Variants in HSPA14 observed in about 807,000 individuals in gnomAD.
The protein encoded by HSPA14 is heat shock protein family A (Hsp70) member 14, also known as heat shock 70 kDa protein 14.
HSPA14 carries 37 observed loss-of-function variants against 65.5 expected under a neutral mutation model. The ratio of observed to expected loss-of-function variants is 0.56; its 90% CI spans 0.43 to 0.74. HSPA14 has a LOEUF of 0.74. Among genes scored for constraint, HSPA14 ranks in the 30% least tolerant of loss-of-function variants. The pLI is 0.00. For missense variants in HSPA14, 564 were observed against 607.6 expected, an observed-to-expected ratio of 0.93 and a Z score of 0.75; for synonymous variants, 203 against 214.2, an observed-to-expected ratio of 0.95 and a Z score of 0.46.
intron 3 of HSPA14, chr10:14,845,236 C>T (rs1479688219): frequency 5.6e-5 from 55 of 984,916 alleles, no homozygotes; most frequent in Non-Finnish European, 6.4e-5. Flanking sequence ...TAGTGATTTA[C>T]TTAGTACTTT....
chr10:14,852,759 TAA>T (rs1588812783), intron 8 of HSPA14, among the ~76,000 whole-genome samples: 2 of 152,164 alleles, frequency 1.3e-5, no homozygotes, highest in East Asian at 3.8e-4. Context: ...TCACTTAGTG[TAA>T]AGAGACCGTC....
chr10:14,869,266 AAG>A (rs1832834062), intron 12 of HSPA14, among the ~76,000 whole-genome samples: 1 of 138,338 alleles, frequency 7.2e-6, no homozygotes, highest in African/African-American at 2.8e-5. Flanking sequence ...TGTGTGTGTA[AAG>A]AGATACATAT....
chr10:14,856,270 T>C (rs1832692074), intron 10 of HSPA14, among the ~76,000 whole-genome samples: 2 of 152,238 alleles, frequency 1.3e-5, no homozygotes, highest in South Asian at 4.1e-4. Flanking sequence ...ATACTCACAA[T>C]AACTCTGAGG....
intron 3 of HSPA14, chr10:14,846,367 G>A (rs982615972): frequency 2.0e-6 from 2 of 985,214 alleles, no homozygotes; most frequent in African/African-American, 3.5e-5. Flanking sequence ...CTGAAGAAGA[G>A]CATTGGAATT....
Position 14,842,328 on chromosome 10 carries a change from A to G in HSPA14, c.221+2171A>G. On this transcript the variant is annotated intron_variant, in intron 3 of 13. Transcript: ENST00000378372. The surrounding 1 kb of genome is among the most constrained non-coding windows in gnomAD (Gnocchi z 5.2). ...AGTGCGGGCATCCGGTGGTCCAGACAGGAGACACGAACTCTTCTCTCCATA... is the reference window on the plus strand; with the variant it reads ...AGTGCGGGCATCCGGTGGTCCAGACGGGAGACACGAACTCTTCTCTCCATA... The G allele has an allele frequency of 6.5e-7, 1 of 1,536,160 alleles. No individual in the cohort carries two copies. Among genetic ancestry groups the G allele is most frequent in the South Asian group, 1.2e-5 (1 of 84,064 alleles).
chr10:14,843,696 G>C (rs1232988900), intron 3 of HSPA14: 1 of 1,541,510 alleles, frequency 6.5e-7, no homozygotes, highest in East Asian at 2.4e-5. Flanking sequence ...AACTCTCAAA[G>C]CGGGAGGAAG....
rs190498380 is a variant in HSPA14, at chr10:14,848,772, T to C, written c.271-18T>C. ...ATTAAAAATTATTTATTTAGCATAA[T>C]TGTAATTTATTTTATAGGTCATTGA... On this transcript the variant is annotated intron_variant, in intron 4 of 13. Coordinates refer to ENST00000378372, the MANE Select transcript of HSPA14 (RefSeq NM_016299.4). The C allele has an allele frequency of 4.0e-5, 59 of 1,459,882 alleles. No individual in the cohort carries two copies. In the East Asian group the frequency reaches 1.3e-3, roughly 33 times the overall value. 90.4% of individuals were successfully genotyped at this position (1,459,882 alleles called of 1,614,324 possible). A position where few individuals can be genotyped will look rare whatever the true frequency, so the allele number is the denominator to read the frequency against.
At chr10:14,867,639 T>A in intron 11 of HSPA14, 97 bp from the exon 12 acceptor site, 1 of 1,058,530 alleles carries the variant, frequency 9.4e-7, no homozygotes. Context: ...GTGTCCTGTT[T>A]ATCAATAAGG....
chr10:14,842,311 C>T lies in HSPA14; in HGVS notation c.221+2154C>T. On this transcript the variant is annotated intron_variant, in intron 3 of 13. Transcript: ENST00000378372. This position sits in a 1 kb window ranked among gnomAD's most constrained non-coding sequence, Gnocchi z 5.2. ...TGGCCAGTGCCAATAGCAGTGCGGG[C>T]ATCCGGTGGTCCAGACAGGAGACAC... is the stretch of plus-strand genomic sequence containing the variant. 1 of 1,535,950 alleles carries T rather than the reference C, an allele frequency of 6.5e-7. No homozygotes were observed. Among genetic ancestry groups the T allele is most frequent in the South Asian group, 1.2e-5 (1 of 84,046 alleles).
chr10:14,844,654 C>T (rs1588807927), intron 3 of HSPA14: 6 of 982,648 alleles, frequency 6.1e-6, no homozygotes, highest in East Asian at 1.1e-4. Flanking sequence ...GCCAGGGAGC[C>T]GCCATTGTGT....
Position 14,842,066 on chromosome 10 carries a change from CACTTA to C in HSPA14, c.221+1914_221+1918del. 1 of 1,192,562 alleles carries C rather than the reference CACTTA, an allele frequency of 8.4e-7. No homozygotes were observed. Among genetic ancestry groups the C allele is most frequent in the Non-Finnish European group, 1.2e-6 (1 of 840,642 alleles). 73.9% of individuals were successfully genotyped at this position (1,192,562 alleles called of 1,614,324 possible). ...TTTATGACCTACTCACAGGTAGCACCACTTAACTTGCTGCCAAAATTATCCTTACA... is the reference window on the plus strand; with the variant it reads ...TTTATGACCTACTCACAGGTAGCACCACTTGCTGCCAAAATTATCCTTACA... On this transcript the variant is annotated intron_variant, in intron 3 of 13. Coordinates refer to ENST00000378372, the MANE Select transcript of HSPA14 (RefSeq NM_016299.4). The surrounding 1 kb of genome is among the most constrained non-coding windows in gnomAD (Gnocchi z 5.2).
rs756024355 is a variant in HSPA14 at position 14,840,072 on chromosome 10, C to CG, written c.139-3_139-2insG. On this transcript the variant is annotated splice_region_variant and splice_polypyrimidine_tract_variant and intron_variant, in intron 2 of 13. Transcript: ENST00000378372. The stretch of plus-strand genomic sequence containing the variant: ...TATATATATATATTATTTTTTTTTT[C>CG]AGATTGTTGGATTGGCAGCAAAACA... The CG allele has an allele frequency of 7.8e-7, 1 of 1,281,844 alleles. No individual in the cohort carries two copies. Among genetic ancestry groups the CG allele is most frequent in the South Asian group, 1.9e-5 (1 of 51,382 alleles). 79.4% of individuals were successfully genotyped at this position (1,281,844 alleles called of 1,614,324 possible).
intron 12 of HSPA14, 115 bp from the exon 13 acceptor site, chr10:14,870,482 T>G: frequency 1.6e-6 from 2 of 1,222,676 alleles, no homozygotes; most frequent in Non-Finnish European, 2.2e-6. Context: ...AACTGCCCTA[T>G]TTTAAAAAGG....
At chr10:14,839,796 T>G in intron 1 of HSPA14, 109 bp from the exon 2 acceptor site, 8 of 635,490 alleles carry the variant, frequency 1.3e-5, no homozygotes, top group Non-Finnish European at 2.2e-5. Flanking sequence ...TTTAAAATAT[T>G]GAGATAGCAG....
chr10:14,852,235 A>G (rs964227253), intron 7 of HSPA14, 135 bp from the exon 8 acceptor site: 1 of 698,132 alleles, frequency 1.4e-6, no homozygotes, highest in African/African-American at 1.8e-5. Context: ...AAGTGACTAT[A>G]GACAACTTAG....
At chr10:14,854,935 C>T (rs1412027611) in intron 9 of HSPA14, among the ~76,000 whole-genome samples, 1 of 152,170 alleles carries the variant, frequency 6.6e-6, no homozygotes, top group East Asian at 1.9e-4. Context: ...GGTAGAAAGT[C>T]CTGTTGGACA....
In HSPA14 at chr10:14,855,928, AGAT is replaced by A. The variant is rs747165176; in HGVS notation, c.982_984del (p.Asp328del). On this transcript the variant is annotated inframe_deletion, in exon 10 of 14. Coordinates refer to ENST00000378372, the MANE Select transcript of HSPA14 (RefSeq NM_016299.4). ...TCTTAGATCAAAATGGATTTACAGC[AGAT>A]GATATCAACAAGGTAATGCTTTTAC... 1.3e-6 allele frequency: 2 copies of A among 1,568,740 alleles called. No individual in the cohort carries two copies. The highest frequency in any genetic ancestry group is 2.2e-5 in the South Asian group (2 of 90,076).
intron 11 of HSPA14, 107 bp downstream of exon 11, chr10:14,867,402 C>A: frequency 2.7e-6 from 2 of 748,046 alleles, no homozygotes; most frequent in Non-Finnish European, 2.2e-6. Context: ...CATGATGTTA[C>A]AATAAAACCT....
At chr10:14,839,039 G>T (rs1833933466) in intron 1 of HSPA14, among the ~76,000 whole-genome samples, 3 of 152,238 alleles carry the variant, frequency 2.0e-5, no homozygotes, top group African/African-American at 7.2e-5. Context: ...GGAGGCTGCA[G>T]TCGAGCTGGG....
Sources: gnomAD v4.1 joint callset for allele counts (sites outside exome capture counted in the v4.1 genomes callset) on GRCh38, gnomAD v4.1.1 for gene constraint, Gnocchi (gnomAD v3.1) non-coding constraint, MANE v1.5 for transcripts, NCBI Gene and HGNC (gene_info 2026-07-23, HGNC 2026-07-21) for gene names.